The following EXOC4 variants were observed in gnomAD, a reference collection of about 807,000 sequenced individuals.
EXOC4 encodes SEC8-like 1.
In EXOC4, 71 loss-of-function variants were observed where a neutral mutation model predicts 107.2. That is an observed-to-expected ratio of 0.66 (90% CI 0.55 to 0.81). The LOEUF (loss-of-function observed/expected upper bound fraction) is 0.81, where lower values mean the gene tolerates loss of function less well. Ranked by LOEUF, EXOC4 falls within the 30% of genes least tolerant of loss-of-function variation. EXOC4 has a pLI of 0.00. For synonymous variants in EXOC4, 456 were observed against 441.2 expected, an observed-to-expected ratio of 1.03 and a Z score of -0.42; for missense variants, 1,108 against 1,189.6, an observed-to-expected ratio of 0.93 and a Z score of 1.01.
rs530138219 is a variant in EXOC4 at position 133,558,066 on chromosome 7, C to A, written c.1418-71979C>A. ...TTTTCCCCTCATGCATTGTTTCTGACCTGTGTCATATGTGTCTTAATTTAT... is the reference window on the plus strand; with the variant it reads ...TTTTCCCCTCATGCATTGTTTCTGAACTGTGTCATATGTGTCTTAATTTAT... On this transcript the variant is annotated intron_variant, in intron 9 of 17. Transcript: ENST00000253861. Among the ~76,000 whole-genome samples, 6 of 152,260 alleles carry A rather than the reference C, an allele frequency of 3.9e-5. 1 individual carries two copies. The South Asian group carries it at 8.3e-4, about 21-fold the overall frequency.
intron 7 of EXOC4, among the ~76,000 whole-genome samples, chr7:133,402,452 T>A (rs1797111818): frequency 6.6e-6 from 1 of 152,214 alleles, no homozygotes; most frequent in South Asian, 2.1e-4. Flanking sequence ...ATGTAGACTT[T>A]AATTCAGGAT....
At chr7:133,364,916 C>T (rs1796218260) in intron 6 of EXOC4, among the ~76,000 whole-genome samples, 1 of 152,126 alleles carries the variant, frequency 6.6e-6, no homozygotes, top group South Asian at 2.1e-4. Context: ...TCTTTTTCCA[C>T]CATGTAAGTT....
chr7:133,455,349 G>A (rs1345039044), intron 7 of EXOC4, among the ~76,000 whole-genome samples: 1 of 151,964 alleles, frequency 6.6e-6, no homozygotes, highest in Non-Finnish European at 1.5e-5. Flanking sequence ...GTTGACTATG[G>A]GTGACTAAAA....
chr7:133,825,798 G>A (rs1797688772), intron 11 of EXOC4, among the ~76,000 whole-genome samples: 1 of 152,138 alleles, frequency 6.6e-6, no homozygotes, highest in African/African-American at 2.4e-5. Flanking sequence ...TCTGCTGGAA[G>A]TCATTATGAA....
intron 10 of EXOC4, among the ~76,000 whole-genome samples, chr7:133,801,208 T>G (rs1796934562): frequency 6.6e-6 from 1 of 152,182 alleles, no homozygotes; most frequent in African/African-American, 2.4e-5. Context: ...ACCCTCAACT[T>G]TTAATTCATT....
chr7:133,608,554 T>C (rs1022103555), intron 9 of EXOC4, among the ~76,000 whole-genome samples: 1 of 143,246 alleles, frequency 7.0e-6, no homozygotes, highest in Non-Finnish European at 1.5e-5. Context: ...TTCTTTTTTT[T>C]TTTTTTTTTT....
At chr7:133,777,279 AAGAGAG>A (rs151199039) in intron 10 of EXOC4, among the ~76,000 whole-genome samples, 18 of 1,786 alleles carry the variant, frequency 0.01, no homozygotes, top group African/African-American at 0.013. Context: ...GAGAGAGAGA[AAGAGAG>A]AGAGAGAGAG....
chr7:133,454,116 T>A (rs1353292995), intron 7 of EXOC4, among the ~76,000 whole-genome samples: 4 of 152,196 alleles, frequency 2.6e-5, no homozygotes, highest in Non-Finnish European at 5.9e-5. Flanking sequence ...GACATGCTAC[T>A]ATTACAGTTT....
At chr7:133,473,961 A>C (rs1252668213) in intron 7 of EXOC4, among the ~76,000 whole-genome samples, 1 of 151,796 alleles carries the variant, frequency 6.6e-6, no homozygotes, top group Non-Finnish European at 1.5e-5. Context: ...CGGCCTCCTA[A>C]AGTCCCAAAG....
chr7:133,930,270 C>A (rs1030756958), intron 13 of EXOC4, among the ~76,000 whole-genome samples: 2 of 152,104 alleles, frequency 1.3e-5, no homozygotes, highest in African/African-American at 4.8e-5. Context: ...GAAGTCCTAG[C>A]GCCTAAAGAA....
chr7:133,967,183 AT>A (rs1246347091), intron 14 of EXOC4, among the ~76,000 whole-genome samples: 1 of 151,976 alleles, frequency 6.6e-6, no homozygotes, highest in African/African-American at 2.4e-5. Context: ...CCCCTTTATA[AT>A]TTTTTATTGC....
intron 1 of EXOC4, among the ~76,000 whole-genome samples, chr7:133,259,852 C>T (rs796858708): frequency 2.0e-5 from 3 of 152,112 alleles, no homozygotes; most frequent in African/African-American, 7.2e-5. Context: ...TTTTATTTGT[C>T]CTCCTTTTTG....
intron 14 of EXOC4, among the ~76,000 whole-genome samples, chr7:133,978,308 A>T (rs1332410934): frequency 6.6e-6 from 1 of 152,212 alleles, no homozygotes; most frequent in African/African-American, 2.4e-5. Flanking sequence ...CGTTTGTTGT[A>T]ATTTGGTCTT....
At chr7:134,031,572 G>A (rs1795272138) in intron 17 of EXOC4, among the ~76,000 whole-genome samples, 1 of 152,174 alleles carries the variant, frequency 6.6e-6, no homozygotes, top group Admixed American at 6.5e-5. Flanking sequence ...TAGAGGAGGA[G>A]TAGATTACAC....
At chr7:133,354,922 A>G (rs1271836964) in intron 5 of EXOC4, among the ~76,000 whole-genome samples, 7 of 152,150 alleles carry the variant, frequency 4.6e-5, no homozygotes, top group African/African-American at 1.2e-4. Flanking sequence ...TGCCAGTACA[A>G]TCGTGTAGGT....
intron 10 of EXOC4, among the ~76,000 whole-genome samples, chr7:133,724,701 G>A (rs1795180175): frequency 6.6e-6 from 1 of 152,210 alleles, no homozygotes. Context: ...ATTAAGAAAG[G>A]GATCTCTGAA....
At chr7:134,043,631 C>T (rs895800567) in intron 17 of EXOC4, among the ~76,000 whole-genome samples, 1 of 152,108 alleles carries the variant, frequency 6.6e-6, no homozygotes, top group Non-Finnish European at 1.5e-5. Flanking sequence ...TCTTCCTGGT[C>T]CCTAGGAATG....
chr7:133,433,148 G>A (rs1032219854), intron 7 of EXOC4, among the ~76,000 whole-genome samples: 2 of 152,134 alleles, frequency 1.3e-5, no homozygotes, highest in Non-Finnish European at 2.9e-5. Context: ...TAAGCGGTAG[G>A]ATACCAGATG....
In EXOC4 at chr7:133,365,001, G is replaced by A. The variant is rs747381145; in HGVS notation, c.1007+8428G>A. Among the ~76,000 whole-genome samples, 12 of 152,244 alleles carry A rather than the reference G, an allele frequency of 7.9e-5. No homozygotes were observed. In the East Asian group the frequency reaches 1.7e-3, roughly 22 times the overall value. On this transcript the variant is annotated intron_variant, in intron 6 of 17. Transcript: ENST00000253861. The stretch of plus-strand genomic sequence containing the variant: ...TGATTTTGTTTGTCCTCAGAAGGAC[G>A]ATATCTGTACTAAATATCCATTTTC...
Sources: allele counts gnomAD v4.1 joint callset (sites outside exome capture counted in the v4.1 genomes callset), GRCh38; gene constraint gnomAD v4.1.1; transcripts MANE v1.5; gene names NCBI Gene and HGNC (gene_info 2026-07-23, HGNC 2026-07-21).